KCNQ1: variants seen among roughly 807,000 people sequenced by gnomAD.
The protein encoded by KCNQ1 is potassium voltage-gated channel subfamily Q member 1, also known as potassium voltage-gated channel subfamily KQT member 1.
Under a neutral mutation model 72.4 loss-of-function variants are expected in KCNQ1, and 49 were observed. The ratio of observed to expected loss-of-function variants is 0.68; its 90% CI spans 0.54 to 0.86. KCNQ1 has a LOEUF of 0.86. Among genes scored for constraint, KCNQ1 ranks in the 40% least tolerant of loss-of-function variants. The pLI is 0.00. For synonymous variants in KCNQ1, 450 were observed against 412.6 expected (o/e 1.09, Z -1.10); for missense variants, 790 against 945.1 (o/e 0.84, Z 2.15).
chr11:2,646,175 T>C, intron 10 of KCNQ1: 1 of 398,628 alleles, frequency 2.5e-6, no homozygotes. Flanking sequence ...CTATATAAAC[T>C]GTGGTTACCT....
chr11:2,494,960 G>T lies in KCNQ1; in HGVS notation c.387-32968G>T, dbSNP rs58498265. 6.6e-6 allele frequency among the ~76,000 whole-genome samples: 1 copy of T among 152,116 alleles called. No individual in the cohort carries two copies. The highest frequency in any genetic ancestry group is 6.5e-5 in the Admixed American group (1 of 15,274). On this transcript the variant is annotated intron_variant, in intron 1 of 15. Transcript: ENST00000155840. This position sits in a 1 kb window ranked among gnomAD's most constrained non-coding sequence, Gnocchi z 4.6. ...TCTGGTAGAATTTGGGTGTGAATCC[G>T]TCTGGTCCTGGGCTTTTTTTGGTTG...
chr11:2,744,988 T>G (rs1226800532), intron 11 of KCNQ1, among the ~76,000 whole-genome samples: 1 of 152,164 alleles, frequency 6.6e-6, no homozygotes, highest in Non-Finnish European at 1.5e-5. Flanking sequence ...CTCTTTGCAC[T>G]GATAGTCTGC....
intron 6 of KCNQ1, 128 bp downstream of exon 6, chr11:2,573,114 C>G (rs1049196113): frequency 1.7e-6 from 2 of 1,146,910 alleles, no homozygotes; most frequent in Admixed American, 2.4e-5. Flanking sequence ...GCTCACAGGC[C>G]TCTGTCCACA....
chr11:2,715,368 AGGCAGGAGTGG>A lies in KCNQ1; in HGVS notation c.1514+53296_1514+53306del, dbSNP rs1851075718. 2.0e-5 allele frequency among the ~76,000 whole-genome samples: 3 copies of A among 152,140 alleles called. No homozygotes were observed. Among genetic ancestry groups the A allele is most frequent in the South Asian group, 4.1e-4 (2 of 4,820 alleles). On this transcript the variant is annotated intron_variant, in intron 11 of 15. Transcript: ENST00000155840. The surrounding 1 kb of genome is among the most constrained non-coding windows in gnomAD (Gnocchi z 4.9). ...GAGGAGCCAGGAAGGTGGACAGAGC[AGGCAGGAGTGG>A]GGCAGGAGGGGGCTTTGCAGATTAC...
In KCNQ1 at chr11:2,658,223, C is replaced by A; in HGVS notation, c.1394-3738C>A. On this transcript the variant is annotated intron_variant, in intron 10 of 15. Transcript: ENST00000155840. This position sits in a 1 kb window ranked among gnomAD's most constrained non-coding sequence, Gnocchi z 4.9. ...CTAATTTCAGCATTCATTCATGGATCGTTTTCCTGCAGCAAATATTACCGT... is the reference window on the plus strand; with the variant it reads ...CTAATTTCAGCATTCATTCATGGATAGTTTTCCTGCAGCAAATATTACCGT... 1 of 398,544 alleles carries A rather than the reference C, an allele frequency of 2.5e-6. No individual in the cohort carries two copies. The highest frequency in any genetic ancestry group is 4.4e-6 in the Non-Finnish European group (1 of 226,054). 24.7% of individuals were successfully genotyped at this position (398,544 alleles called of 1,614,324 possible). A position where few individuals can be genotyped will look rare whatever the true frequency, so the allele number is the denominator to read the frequency against.
intron 2 of KCNQ1, among the ~76,000 whole-genome samples, chr11:2,533,237 C>G (rs1174947330): frequency 6.6e-6 from 1 of 152,248 alleles, no homozygotes; most frequent in Non-Finnish European, 1.5e-5. Context: ...GAAACCCCAG[C>G]GCGGCCTCGG....
chr11:2,837,659 A>AG (rs1848101473), intron 15 of KCNQ1, among the ~76,000 whole-genome samples: 1 of 151,772 alleles, frequency 6.6e-6, no homozygotes, highest in Admixed American at 6.6e-5. Context: ...CCAAACCAGG[A>AG]GGGGGAAGGG....
rs1851027528 is a variant in KCNQ1, at chr11:2,712,800, C to T, written c.1514+50719C>T. Among the ~76,000 whole-genome samples, 1 of 152,192 alleles carries T rather than the reference C, an allele frequency of 6.6e-6. No individual in the cohort carries two copies. Among genetic ancestry groups the T allele is most frequent in the South Asian group, 2.1e-4 (1 of 4,824 alleles). ...TTTTCTGCACGGGACTCCCTCACAG[C>T]CTCTGGGTTGGGAGCACACATGGCA... On this transcript the variant is annotated intron_variant, in intron 11 of 15. Transcript: ENST00000155840. The surrounding 1 kb of genome is among the most constrained non-coding windows in gnomAD (Gnocchi z 6.4).
chr11:2,651,618 T>TG lies in KCNQ1; in HGVS notation c.1394-10343_1394-10342insG, dbSNP rs1849757749. 2.5e-6 allele frequency: 1 copy of TG among 398,604 alleles called. No homozygotes were observed. Among genetic ancestry groups the TG allele is most frequent in the African/African-American group, 2.1e-5 (1 of 48,648 alleles). 24.7% of individuals were successfully genotyped at this position (398,604 alleles called of 1,614,324 possible). A position where few individuals can be genotyped will look rare whatever the true frequency, so the allele number is the denominator to read the frequency against. On this transcript the variant is annotated intron_variant, in intron 10 of 15. Transcript: ENST00000155840. The surrounding 1 kb of genome is among the most constrained non-coding windows in gnomAD (Gnocchi z 6.1). ...TAGCAGGTCCTCCAAGATTTGCTGATCTGCCTGCCCCACCTGGGGTCTCTG... is the reference window on the plus strand; with the variant it reads ...TAGCAGGTCCTCCAAGATTTGCTGATGCTGCCTGCCCCACCTGGGGTCTCTG...
Position 2,516,935 on chromosome 11 carries a change from G to C in KCNQ1, c.387-10993G>C, listed in dbSNP as rs1230000759. Among the ~76,000 whole-genome samples, 28 of 152,126 alleles carry C rather than the reference G, an allele frequency of 1.8e-4. No homozygotes were observed. Among genetic ancestry groups the C allele is most frequent in the Admixed American group, 1.8e-3 (28 of 15,276 alleles). On this transcript the variant is annotated intron_variant, in intron 1 of 15. Transcript: ENST00000155840. The surrounding 1 kb of genome is among the most constrained non-coding windows in gnomAD (Gnocchi z 7.0). ...CCGGGAAGCTTCCTGGCTGCCCGAG[G>C]GTCCCCCAGCACCTGTCCCTCTAGG...
chr11:2,624,753 C>T lies in KCNQ1; in HGVS notation c.1393+35899C>T. The T allele has an allele frequency of 2.5e-6, 1 of 398,526 alleles. No homozygotes were observed. The highest frequency in any genetic ancestry group is 4.4e-6 in the Non-Finnish European group (1 of 226,038). The allele number at this position is 398,526 out of a possible 1,614,324, so 24.7% of individuals were successfully genotyped here. A position where few individuals can be genotyped will look rare whatever the true frequency, so the allele number is the denominator to read the frequency against. On this transcript the variant is annotated intron_variant, in intron 10 of 15. Transcript: ENST00000155840. This position sits in a 1 kb window ranked among gnomAD's most constrained non-coding sequence, Gnocchi z 4.9. The stretch of plus-strand genomic sequence containing the variant: ...CAATAATTCCCCAACCCCCCCACCA[C>T]CGCCATCTCTTGGAAACCACCTTGT...
At chr11:2,681,388 TGG>T (rs1272846153) in intron 11 of KCNQ1, 1 of 398,322 alleles carries the variant, frequency 2.5e-6, no homozygotes, top group Non-Finnish European at 4.4e-6. Flanking sequence ...CTCTTGGGGC[TGG>T]GGTGACTAAA....
chr11:2,706,172 G>C (rs1207355031), intron 11 of KCNQ1, among the ~76,000 whole-genome samples: 1 of 152,218 alleles, frequency 6.6e-6, no homozygotes, highest in Non-Finnish European at 1.5e-5. Context: ...CTCTAATTAA[G>C]TTTTGGCTGG....
chr11:2,641,874 T>G (rs1849584461), intron 10 of KCNQ1: 1 of 398,340 alleles, frequency 2.5e-6, no homozygotes, highest in Non-Finnish European at 4.4e-6. Context: ...CCCAGCTCCA[T>G]TAAGTGAAGA....
intron 11 of KCNQ1, chr11:2,684,656 G>T (rs1850453513): frequency 2.5e-6 from 1 of 398,672 alleles, no homozygotes; most frequent in Non-Finnish European, 4.4e-6. Flanking sequence ...GGAAAGAAAG[G>T]CTTGTTGGAT....
chr11:2,445,092 C>G lies in KCNQ1; in HGVS notation c.-7C>G. The G allele has an allele frequency of 9.3e-7, 1 of 1,079,522 alleles. No homozygotes were observed. Among genetic ancestry groups the G allele is most frequent in the Non-Finnish European group, 1.1e-6 (1 of 889,996 alleles). 66.9% of individuals were successfully genotyped at this position (1,079,522 alleles called of 1,614,324 possible). ...TCGGGCCGGCCCCCCGGCAGGCCCTCCTCGTTATGGCCGCGGCCTCCTCCC... is the reference window on the plus strand; with the variant it reads ...TCGGGCCGGCCCCCCGGCAGGCCCTGCTCGTTATGGCCGCGGCCTCCTCCC... On this transcript the variant is annotated 5_prime_UTR_variant, in exon 1 of 16. Coordinates refer to ENST00000155840, the MANE Select transcript of KCNQ1 (RefSeq NM_000218.3).
In KCNQ1 at chr11:2,479,023, A is replaced by G. The variant is rs1846614917; in HGVS notation, c.386+33539A>G. On this transcript the variant is annotated intron_variant, in intron 1 of 15. Transcript: ENST00000155840. The surrounding 1 kb of genome is among the most constrained non-coding windows in gnomAD (Gnocchi z 4.6). ...AGTTAAATCTTAATGCTCCAAAATG[A>G]TCTCCATTGACTCCATGTCTCACAT... Among the ~76,000 whole-genome samples, 1 of 152,172 alleles carries G rather than the reference A, an allele frequency of 6.6e-6. No individual in the cohort carries two copies. The highest frequency in any genetic ancestry group is 1.5e-5 in the Non-Finnish European group (1 of 68,040).
At chr11:2,589,999 G>A (rs1349771333) in intron 10 of KCNQ1, among the ~76,000 whole-genome samples, 1 of 152,192 alleles carries the variant, frequency 6.6e-6, no homozygotes, top group Non-Finnish European at 1.5e-5. Flanking sequence ...AGGTGGAAGG[G>A]ACCCCACTTC....
chr11:2,648,981 C>CTTTTTTTTTTTTTTTTTTTTTTTCTT, intron 10 of KCNQ1: 1 of 213,308 alleles, frequency 4.7e-6, no homozygotes, highest in Non-Finnish European at 7.8e-6. Context: ...TTTTCTTTTT[C>CTTTTTTTTTTTTTTTTTTTTTTTCTT]TTTTTTTTTT....
Sources: gnomAD v4.1 joint callset for allele counts (sites outside exome capture counted in the v4.1 genomes callset) on GRCh38, gnomAD v4.1.1 for gene constraint, Gnocchi (gnomAD v3.1) non-coding constraint, MANE v1.5 for transcripts, NCBI Gene and HGNC (gene_info 2026-07-23, HGNC 2026-07-21) for gene names.